CABLES1: variants seen among roughly 807,000 people sequenced by gnomAD.
CABLES1 encodes CDK5 and ABL1 enzyme substrate 1.
In CABLES1, 36 loss-of-function variants were observed where a neutral mutation model predicts 57.8. The observed-to-expected ratio is 0.62, with a 90% CI of 0.48 to 0.82. The LOEUF is 0.82. Ranked by LOEUF, CABLES1 falls within the 40% of genes least tolerant of loss-of-function variation. The probability of loss-of-function intolerance (pLI) is 0.00; values close to 1 mark genes in which losing one functional copy is unlikely to be tolerated. For synonymous variants in CABLES1, 374 were observed against 363.0 expected (o/e 1.03, Z -0.35); for missense variants, 767 against 836.6 (o/e 0.92, Z 1.03).
chr18:23,186,758 A>T (rs2047205872), intron 1 of CABLES1, among the ~76,000 whole-genome samples: 1 of 151,944 alleles, frequency 6.6e-6, no homozygotes, highest in Non-Finnish European at 1.5e-5. Context: ...CAGCCTTTGG[A>T]CCCCAGGATT....
intron 7 of CABLES1, among the ~76,000 whole-genome samples, chr18:23,244,058 T>G (rs976910516): frequency 6.6e-6 from 1 of 152,210 alleles, no homozygotes; most frequent in Admixed American, 6.5e-5. Flanking sequence ...TGACAATCAC[T>G]TCGTGATTTT....
At chr18:23,137,979 TGTTTCTGGGTGAGTCCTGCAAACTCAGC>T (rs1037144498) in intron 1 of CABLES1, among the ~76,000 whole-genome samples, 1 of 152,172 alleles carries the variant, frequency 6.6e-6, no homozygotes, top group Non-Finnish European at 1.5e-5. Context: ...TGGTATCCCT[TGTTTCTGGGTGAGTCCTGCAAACTCAGC>T]GTTTCTGGGC....
chr18:23,218,886 G>A (rs2047464699), intron 4 of CABLES1, among the ~76,000 whole-genome samples: 2 of 152,184 alleles, frequency 1.3e-5, no homozygotes, highest in South Asian at 2.1e-4. Flanking sequence ...GGAAGGGGTG[G>A]GGAGGAATGA....
At chr18:23,149,267 ATTTTTAC>A (rs1455401242) in intron 1 of CABLES1, among the ~76,000 whole-genome samples, 1 of 151,436 alleles carries the variant, frequency 6.6e-6, no homozygotes. Context: ...CTCATCCAAA[ATTTTTAC>A]TTTTAGGAAG....
At chr18:23,155,243 C>G (rs2046958042) in intron 1 of CABLES1, among the ~76,000 whole-genome samples, 1 of 152,004 alleles carries the variant, frequency 6.6e-6, no homozygotes, top group African/African-American at 2.4e-5. Context: ...CTGGTGAGAT[C>G]TGGAATAAAA....
chr18:23,196,574 A>C (rs556257445), intron 3 of CABLES1, among the ~76,000 whole-genome samples: 1 of 152,338 alleles, frequency 6.6e-6, no homozygotes, highest in African/African-American at 2.4e-5. Flanking sequence ...AGGAATGCAG[A>C]AGCTCTGCCC....
At chr18:23,184,919 C>T (rs755105108) in intron 1 of CABLES1, among the ~76,000 whole-genome samples, 5 of 152,026 alleles carry the variant, frequency 3.3e-5, no homozygotes, top group Non-Finnish European at 5.9e-5. Context: ...GGGCTCCACT[C>T]TTATGACAGA....
intron 3 of CABLES1, among the ~76,000 whole-genome samples, chr18:23,205,181 C>CTTT (rs34690271): frequency 0.014 from 1,158 of 81,130 alleles, 60 homozygotes; most frequent in African/African-American, 0.033. Flanking sequence ...TCATTCCTGA[C>CTTT]TTTTTTTTTT....
chr18:23,206,123 A>T (rs554037339), intron 3 of CABLES1, among the ~76,000 whole-genome samples: 1 of 152,248 alleles, frequency 6.6e-6, no homozygotes, highest in African/African-American at 2.4e-5. Flanking sequence ...TTTTCTGCCC[A>T]TCTGACAGCG....
intron 4 of CABLES1, 35 bp downstream of exon 4, chr18:23,214,089 G>A (rs1568070685): frequency 6.8e-7 from 1 of 1,461,404 alleles, no homozygotes; most frequent in Non-Finnish European, 9.5e-7. Flanking sequence ...TAGTTCTCTG[G>A]GTGAAAAGAT....
At chr18:23,243,619 T>C (rs2047797576) in intron 7 of CABLES1, among the ~76,000 whole-genome samples, 1 of 152,000 alleles carries the variant, frequency 6.6e-6, no homozygotes, top group Non-Finnish European at 1.5e-5. Context: ...ATGCCTGTAA[T>C]CCCAGCACTT....
At chr18:23,149,992 G>A (rs2046916457) in intron 1 of CABLES1, 1 of 152,190 alleles carries the variant, frequency 6.6e-6, no homozygotes, top group South Asian at 2.1e-4. Flanking sequence ...CAGGGTTGAG[G>A]TTGAGGCTTG....
intron 7 of CABLES1, among the ~76,000 whole-genome samples, chr18:23,246,604 G>A (rs577646943): frequency 3.3e-5 from 5 of 151,854 alleles, no homozygotes; most frequent in East Asian, 2.0e-4. Flanking sequence ...TGTTAGCCAG[G>A]ATGGTCTCGA....
chr18:23,141,803 A>G (rs765113267), intron 1 of CABLES1, among the ~76,000 whole-genome samples: 2 of 152,168 alleles, frequency 1.3e-5, no homozygotes, highest in Non-Finnish European at 2.9e-5. Flanking sequence ...AAGCCATCAC[A>G]TGGCTCTGCG....
In CABLES1 at chr18:23,164,333, C is replaced by T. The variant is rs555297105; in HGVS notation, c.846-24505C>T. Among the ~76,000 whole-genome samples, 4 of 152,318 alleles carry T rather than the reference C, an allele frequency of 2.6e-5. No individual in the cohort carries two copies. The East Asian group carries it at 5.8e-4, about 22-fold the overall frequency. On this transcript the variant is annotated intron_variant, in intron 1 of 9. Coordinates refer to ENST00000256925, the MANE Select transcript of CABLES1 (RefSeq NM_001100619.3). ...TGGTCCCTCCTCGGGTCGACGTGGG[C>T]CAGTGCCCATCATCACAAGGCCCGC...
chr18:23,176,880 C>T (rs1026392563), intron 1 of CABLES1, among the ~76,000 whole-genome samples: 5 of 152,054 alleles, frequency 3.3e-5, no homozygotes, highest in Admixed American at 2.0e-4. Flanking sequence ...CTCCAGGGAG[C>T]GTTTTACTGG....
At chr18:23,204,013 G>GA (rs1443470237) in intron 3 of CABLES1, among the ~76,000 whole-genome samples, 2 of 152,196 alleles carry the variant, frequency 1.3e-5, no homozygotes, top group African/African-American at 4.8e-5. Flanking sequence ...ACAGGGAGTG[G>GA]ACAGCCTGAA....
intron 1 of CABLES1, among the ~76,000 whole-genome samples, chr18:23,169,306 ACTTT>A (rs1388161078): frequency 2.6e-5 from 4 of 152,162 alleles, no homozygotes; most frequent in Non-Finnish European, 4.4e-5. Flanking sequence ...TTGTTTCTTT[ACTTT>A]CTTAATAAAC....
At chr18:23,248,532 TTTTTTTA>T (rs921114719) in intron 7 of CABLES1, among the ~76,000 whole-genome samples, 3 of 137,328 alleles carry the variant, frequency 2.2e-5, no homozygotes, top group Admixed American at 8.4e-5. Context: ...TTTTTTTTTT[TTTTTTTA>T]AAAAAAGGCT....
Sources: gnomAD v4.1 joint callset for allele counts (sites outside exome capture counted in the v4.1 genomes callset) on GRCh38, gnomAD v4.1.1 for gene constraint, MANE v1.5 for transcripts, NCBI Gene and HGNC (gene_info 2026-07-23, HGNC 2026-07-21) for gene names.